The following SLC44A1 variants were observed in gnomAD, a reference collection of about 807,000 sequenced individuals.
The protein encoded by SLC44A1 is solute carrier family 44 member 1.
A neutral mutation model predicts 79.3 loss-of-function variants in SLC44A1; 26 were observed. The ratio of observed to expected loss-of-function variants is 0.33; its 90% CI spans 0.24 to 0.46. SLC44A1 has a LOEUF of 0.46. Among genes scored for constraint, SLC44A1 ranks in the 20% least tolerant of loss-of-function variants. The pLI is 1.00. For synonymous variants in SLC44A1, 263 were observed against 286.2 expected (o/e 0.92, Z 0.82); for missense variants, 688 against 798.1 (o/e 0.86, Z 1.66).
chr9:105,361,880 C>G (rs559777896), intron 8 of SLC44A1, among the ~76,000 whole-genome samples: 1 of 152,262 alleles, frequency 6.6e-6, no homozygotes. Context: ...TAGTGAGACC[C>G]TGTCTTCACA....
Position 105,389,570 on chromosome 9 carries a change from C to T in SLC44A1, c.*514C>T. 9.0e-7 allele frequency: 1 copy of T among 1,113,340 alleles called. No homozygotes were observed. The highest frequency in any genetic ancestry group is 1.1e-6 in the Non-Finnish European group (1 of 912,790). 69.0% of individuals were successfully genotyped at this position (1,113,340 alleles called of 1,614,324 possible). On this transcript the variant is annotated 3_prime_UTR_variant, in exon 16 of 16. Coordinates refer to ENST00000374720, the MANE Select transcript of SLC44A1 (RefSeq NM_080546.5). ...ATAAGGAATTACTCCAATCAGTTTT[C>T]CCCAATCAAAGAAGCCATGTCATTT...
At position 105,397,306 on chromosome 9, in the gene SLC44A1, T is replaced by C. The variant is rs1016155855; in HGVS notation, c.*8250T>C. ...ACTGTATTTTAGTCTAACAAATGTA[T>C]AGAATTTTTTATGTAATAAATAAAA... On this transcript the variant is annotated 3_prime_UTR_variant, in exon 16 of 16. Transcript: ENST00000374720. The C allele has an allele frequency of 1.2e-5, 12 of 977,962 alleles. No homozygotes were observed. In the African/African-American group the frequency reaches 2.1e-4, roughly 17 times the overall value. 60.6% of individuals were successfully genotyped at this position (977,962 alleles called of 1,614,324 possible). A position where few individuals can be genotyped will look rare whatever the true frequency, so the allele number is the denominator to read the frequency against.
At chr9:105,279,546 G>A (rs866331132) in intron 1 of SLC44A1, among the ~76,000 whole-genome samples, 29 of 152,094 alleles carry the variant, frequency 1.9e-4, no homozygotes, top group African/African-American at 6.3e-4. Flanking sequence ...TCAATCTCTT[G>A]ACCTCGTGAG....
chr9:105,421,817 G>A (rs1406736993), intron 15 of SLC44A1, among the ~76,000 whole-genome samples: 1 of 152,048 alleles, frequency 6.6e-6, no homozygotes, highest in Non-Finnish European at 1.5e-5. Flanking sequence ...TCAATCTCCT[G>A]ACCTCTTGAT....
chr9:105,289,938 T>C (rs1454711889), intron 1 of SLC44A1, among the ~76,000 whole-genome samples: 1 of 151,920 alleles, frequency 6.6e-6, no homozygotes, highest in Non-Finnish European at 1.5e-5. Context: ...CTCAGCCTCT[T>C]GAGTATCTGG....
At chr9:105,279,125 G>T (rs1830284919) in intron 1 of SLC44A1, among the ~76,000 whole-genome samples, 1 of 151,144 alleles carries the variant, frequency 6.6e-6, no homozygotes, top group South Asian at 2.1e-4. Context: ...GTATTCCCCG[G>T]GAGGCGGAGC....
chr9:105,278,341 C>T (rs908950865), intron 1 of SLC44A1, among the ~76,000 whole-genome samples: 8 of 152,274 alleles, frequency 5.3e-5, no homozygotes, highest in African/African-American at 1.7e-4. Context: ...CTCCGCCTCC[C>T]GGGTTCACAC....
chr9:105,283,442 G>A (rs1026776137), intron 1 of SLC44A1, among the ~76,000 whole-genome samples: 2 of 152,198 alleles, frequency 1.3e-5, no homozygotes, highest in African/African-American at 4.8e-5. Flanking sequence ...ATTGACCTTA[G>A]AATCCACAAA....
chr9:105,320,141 C>G (rs759544768), intron 3 of SLC44A1, among the ~76,000 whole-genome samples: 3 of 152,090 alleles, frequency 2.0e-5, no homozygotes, highest in Non-Finnish European at 2.9e-5. Flanking sequence ...CCTTTTAAAA[C>G]ATATAATAAT....
At chr9:105,400,707 A>C (rs968545049), downstream of SLC44A1, among the ~76,000 whole-genome samples, 10 of 152,158 alleles carry the variant, frequency 6.6e-5, no homozygotes, top group Admixed American at 2.0e-4. Context: ...AAATGCTTAC[A>C]AAGCCCACTG....
rs1007251536 is a variant in SLC44A1, at chr9:105,307,592, C to T, written c.127-2132C>T. Among the ~76,000 whole-genome samples the T allele has an allele frequency of 4.0e-5, 6 of 150,908 alleles. No individual in the cohort carries two copies. In the East Asian group the frequency reaches 7.8e-4, roughly 20 times the overall value. Reference sequence around the variant, plus strand: ...CTGGAAGGCAGAGGTTGCAGTGAGCCGAGATCGTGCCACTGTGTTCCAGCC... The same window carrying T: ...CTGGAAGGCAGAGGTTGCAGTGAGCTGAGATCGTGCCACTGTGTTCCAGCC... On this transcript the variant is annotated intron_variant, in intron 2 of 15. Transcript: ENST00000374720.
intron 12 of SLC44A1, among the ~76,000 whole-genome samples, chr9:105,374,102 T>C (rs543614994): frequency 6.6e-6 from 1 of 152,276 alleles, no homozygotes; most frequent in African/African-American, 2.4e-5. Context: ...CAAAGAGCTA[T>C]GTACTACAAG....
At chr9:105,401,892 A>C (rs139153786), downstream of SLC44A1, among the ~76,000 whole-genome samples, 17 of 152,316 alleles carry the variant, frequency 1.1e-4, no homozygotes, top group East Asian at 3.3e-3. Context: ...CGCAGAGAGC[A>C]GTGATAGTAG....
At chr9:105,265,768 G>A (rs1025280992) in intron 1 of SLC44A1, among the ~76,000 whole-genome samples, 2 of 152,174 alleles carry the variant, frequency 1.3e-5, no homozygotes, top group Admixed American at 6.5e-5. Flanking sequence ...CCATATCCTC[G>A]TGAGCACTTG....
intron 1 of SLC44A1, among the ~76,000 whole-genome samples, chr9:105,261,688 T>C (rs1829841738): frequency 6.6e-6 from 1 of 151,776 alleles, no homozygotes. Flanking sequence ...CTTCTGTAAG[T>C]GTGCAGTCTG....
Position 105,395,203 on chromosome 9 carries a change from T to A in SLC44A1, c.*6147T>A. The A allele has an allele frequency of 1.0e-6, 1 of 984,834 alleles. No homozygotes were observed. The allele number at this position is 984,834 out of a possible 1,614,324, so 61.0% of individuals were successfully genotyped here. Reference sequence around the variant, plus strand: ...CCCACCCCACACTCCTAGAAAAGTTTGGGGGTTTTTTTTGTTTGTTTTTGG... The same window carrying A: ...CCCACCCCACACTCCTAGAAAAGTTAGGGGGTTTTTTTTGTTTGTTTTTGG... On this transcript the variant is annotated 3_prime_UTR_variant, in exon 16 of 16. Coordinates refer to ENST00000374720, the MANE Select transcript of SLC44A1 (RefSeq NM_080546.5).
intron 15 of SLC44A1, among the ~76,000 whole-genome samples, chr9:105,430,452 C>G (rs762257242): frequency 6.6e-6 from 1 of 152,158 alleles, no homozygotes; most frequent in African/African-American, 2.4e-5. Context: ...CACCCAGCCC[C>G]TGGAAACCAC....
rs138656731 is a variant in SLC44A1, at chr9:105,351,620, A to G, written c.500+3169A>G. ...AGAGAAAGAAAGAAAGAAAGAAAGA[A>G]AGAGAGAGAAAGAGAAAGAAAGAAA... On this transcript the variant is annotated intron_variant, in intron 5 of 15. Coordinates refer to ENST00000374720, the MANE Select transcript of SLC44A1 (RefSeq NM_080546.5). Among the ~76,000 whole-genome samples the G allele has an allele frequency of 7.4e-3, 578 of 78,194 alleles. 15 individuals carry two copies. The highest frequency in any genetic ancestry group is 0.017 in the African/African-American group (341 of 20,370). 51.3% of individuals were successfully genotyped at this position (78,194 alleles called of 152,430 possible). A position where few individuals can be genotyped will look rare whatever the true frequency, so the allele number is the denominator to read the frequency against.
intron 3 of SLC44A1, among the ~76,000 whole-genome samples, chr9:105,310,199 A>G (rs531112797): frequency 1.3e-5 from 2 of 152,044 alleles, no homozygotes; most frequent in African/African-American, 4.8e-5. Context: ...ACCCTGTAAC[A>G]TATTTTCCTC....
Sources: gnomAD v4.1 joint callset for allele counts (sites outside exome capture counted in the v4.1 genomes callset) on GRCh38, gnomAD v4.1.1 for gene constraint, MANE v1.5 for transcripts, NCBI Gene and HGNC (gene_info 2026-07-23, HGNC 2026-07-21) for gene names.